Variants in MTERF4 observed in about 807,000 individuals in gnomAD.
The protein encoded by MTERF4 is mitochondrial transcription termination factor 4.
Under a neutral mutation model 22.5 loss-of-function variants are expected in MTERF4, and 17 were observed. The ratio of observed to expected loss-of-function variants is 0.75; its 90% CI spans 0.52 to 1.13. The LOEUF (loss-of-function observed/expected upper bound fraction) is 1.13, where lower values mean the gene tolerates loss of function less well. Among genes scored for constraint, MTERF4 ranks in the 50% most tolerant of loss-of-function variants. The pLI, the probability that MTERF4 is intolerant of heterozygous loss-of-function variation, is 0.00. For synonymous variants in MTERF4, 165 were observed against 175.3 expected (o/e 0.94, Z 0.47); for missense variants, 420 against 466.8 (o/e 0.90, Z 0.92).
chr2:241,082,294 C>T (rs1353454123), downstream of MTERF4: 2 of 1,613,102 alleles, frequency 1.2e-6, no homozygotes, highest in Admixed American at 1.7e-5. Flanking sequence ...AAAGGTGTCC[C>T]GCCCCTGCAC....
downstream of MTERF4, among the ~76,000 whole-genome samples, chr2:241,083,324 G>A (rs2063421054): frequency 6.6e-6 from 1 of 152,186 alleles, no homozygotes; most frequent in Non-Finnish European, 1.5e-5. Flanking sequence ...GGTGAGAGGT[G>A]AGGGACAGGG....
In MTERF4 at chr2:241,096,914, C is replaced by T; in HGVS notation, c.705+329G>A. The T allele has an allele frequency of 1.7e-6, 1 of 588,364 alleles. No homozygotes were observed. Among genetic ancestry groups the T allele is most frequent in the Non-Finnish European group, 3.0e-6 (1 of 334,180 alleles). The allele number at this position is 588,364 out of a possible 1,614,324, so 36.4% of individuals were successfully genotyped here. Reference sequence around the variant, plus strand: ...ATTTTAAAATTAGCTATTTCAGAGTCCCCACTTAGACTCTAAGAATAGGAC... The same window carrying T: ...ATTTTAAAATTAGCTATTTCAGAGTTCCCACTTAGACTCTAAGAATAGGAC... On this transcript the variant is annotated intron_variant, in intron 3 of 3. Transcript: ENST00000391980. This position sits in a 1 kb window ranked among gnomAD's most constrained non-coding sequence, Gnocchi z 5.1.
At chr2:241,042,775 A>G in the MTERF4 span, among the ~76,000 whole-genome samples, 4 of 152,378 alleles carry the variant, frequency 2.6e-5, no homozygotes, top group Non-Finnish European at 4.4e-5. Flanking sequence ...GGAAAGATCA[A>G]TGAACCTGAA....
Position 241,102,059 on chromosome 2 carries a change from A to C in MTERF4, c.21+194T>G, listed in dbSNP as rs546910349. 29 of 722,656 alleles carry C rather than the reference A, an allele frequency of 4.0e-5. No homozygotes were observed. The African/African-American group carries it at 4.7e-4, about 12-fold the overall frequency. 44.8% of individuals were successfully genotyped at this position (722,656 alleles called of 1,614,324 possible). On this transcript the variant is annotated intron_variant, in intron 1 of 3. Transcript: ENST00000391980. ...AGAGCGAGACTTTGTCTCAAAAAAAAAAAATGTCAACTCTATATCCCACAA... is the reference window on the plus strand; with the variant it reads ...AGAGCGAGACTTTGTCTCAAAAAAACAAAATGTCAACTCTATATCCCACAA...
chr2:241,090,150 T>C, downstream of MTERF4: 2 of 1,459,078 alleles, frequency 1.4e-6, no homozygotes, highest in Non-Finnish European at 1.8e-6. Flanking sequence ...ACAAACACAC[T>C]GTACGGATGT....
Position 241,097,339 on chromosome 2 carries a change from C to T in MTERF4, c.609G>A (p.Glu203=), listed in dbSNP as rs373404309. ...CTTGCTGTACCGTGAAAAGGCACTT[C>T]TCCTTGAGAAGCCTGACAGTGTCGT... ...DINDTVRLLK[E]KCLFTVQQVT... is the part of the protein sequence containing the mutation. Residue 203 remains glutamate (E), a synonymous_variant, in exon 3 of 4, where the codon GAG becomes GAA. Coordinates refer to ENST00000391980, the MANE Select transcript of MTERF4 (RefSeq NM_182501.4). The T allele has an allele frequency of 1.2e-6, 2 of 1,614,204 alleles. No individual in the cohort carries two copies. The highest frequency in any genetic ancestry group is 1.7e-6 in the Non-Finnish European group (2 of 1,180,030).
chr2:241,096,189 G>A lies in MTERF4; in HGVS notation c.955C>T (p.Leu319Phe). 1 of 1,614,136 alleles carries A rather than the reference G, an allele frequency of 6.2e-7. No individual in the cohort carries two copies. The highest frequency in any genetic ancestry group is 8.5e-7 in the Non-Finnish European group (1 of 1,180,042). The change falls in exon 4 of 4, where the codon CTC becomes TTC. Residue 319 changes from leucine (L) to phenylalanine (F), a missense_variant. By Grantham distance (22) the Leu-to-Phe change is conservative. Transcript: ENST00000391980. This position sits in a 1 kb window ranked among gnomAD's most constrained non-coding sequence, Gnocchi z 5.1. Reference protein sequence around the residue: ...SVEEFQVFKKLLAREEEESES... With the variant: ...SVEEFQVFKKFLAREEEESES... ...GACTCCTCCTCCTCCCGAGCCAGGA[G>A]CTTCTTAAAAACTTGAAACTCCTCA...
chr2:241,071,560 C>T (rs564406630), downstream of MTERF4: 61 of 1,573,988 alleles, frequency 3.9e-5, no homozygotes, highest in African/African-American at 3.2e-4. Flanking sequence ...GCCCCTTCCT[C>T]CTGCCTGCTC....
chr2:241,070,283 G>A (rs890704506), downstream of MTERF4: 9 of 1,409,146 alleles, frequency 6.4e-6, no homozygotes, highest in African/African-American at 1.1e-4. Context: ...TGGCCCTGCA[G>A]GGGCCTGGGA....
chr2:241,099,634 CCT>C lies in MTERF4; in HGVS notation c.280_281del (p.Arg94GlyfsTer16). 1 of 1,614,158 alleles carries C rather than the reference CCT, an allele frequency of 6.2e-7. No individual in the cohort carries two copies. The highest frequency in any genetic ancestry group is 8.5e-7 in the Non-Finnish European group (1 of 1,180,030). On this transcript the variant is annotated frameshift_variant, in exon 2 of 4. Transcript: ENST00000391980. LOFTEE classifies it high-confidence loss of function. ...CCATGTCCAGGAGGGAACTCATGAC[CCT>C]CTCTAGCTCCAAGGACCCTTGTACC... Reference protein sequence around the residue: ...PVVQGSLELERVMSSLLDMGF... With the variant: ...PVVQGSLELEXVMSSLLDMGF...
At chr2:241,089,188 C>G, downstream of MTERF4, 1 of 1,083,744 alleles carries the variant, frequency 9.2e-7, no homozygotes, top group Non-Finnish European at 1.3e-6. Flanking sequence ...TCATACTGAC[C>G]ATCATTTTTT....
At chr2:241,089,248 C>A, downstream of MTERF4, 1 of 1,510,802 alleles carries the variant, frequency 6.6e-7, no homozygotes, top group Non-Finnish European at 8.9e-7. Flanking sequence ...CCTAGGACAG[C>A]TTTGCTCTTC....
the MTERF4 span, among the ~76,000 whole-genome samples, chr2:241,047,212 A>T: frequency 1.3e-5 from 2 of 151,778 alleles, no homozygotes; most frequent in Non-Finnish European, 2.9e-5. Context: ...CAGTGGCTAT[A>T]TTAATATCGA....
At chr2:241,101,402 T>C (rs1233997443) in intron 1 of MTERF4, among the ~76,000 whole-genome samples, 6 of 152,220 alleles carry the variant, frequency 3.9e-5, no homozygotes, top group Admixed American at 3.9e-4. Context: ...CGGCTGTAAA[T>C]ACAGTCTGGC....
intron 2 of MTERF4, 91 bp from the exon 3 acceptor site, chr2:241,097,518 A>C: frequency 8.0e-7 from 1 of 1,253,204 alleles, no homozygotes; most frequent in South Asian, 1.5e-5. Flanking sequence ...TCCACATTTA[A>C]AAACAAACAA....
chr2:241,087,259 C>A, downstream of MTERF4: 1 of 686,890 alleles, frequency 1.5e-6, no homozygotes, highest in Non-Finnish European at 2.5e-6. Flanking sequence ...TAGGAGGTCA[C>A]GTTTCATTCA....
the MTERF4 span, chr2:241,051,418 A>T: frequency 3.7e-6 from 1 of 267,540 alleles, no homozygotes; most frequent in East Asian, 6.4e-5. This position sits in a 1 kb window ranked among gnomAD's most constrained non-coding sequence, Gnocchi z 4.7. Context: ...GCCCGTGTGC[A>T]GGAGGGAGGG....
the MTERF4 span, chr2:241,063,284 C>A: frequency 8.0e-6 from 4 of 499,878 alleles, no homozygotes; most frequent in South Asian, 8.3e-5. Flanking sequence ...GAAACGCAGG[C>A]TCCAGGGAGG....
In MTERF4 at chr2:241,073,443, C is replaced by T. The variant is rs2062844574; in HGVS notation, n.2719G>A. On this transcript the variant is annotated non_coding_transcript_exon_variant, in exon 5 of 5. Transcript: ENST00000464344. The surrounding 1 kb of genome is among the most constrained non-coding windows in gnomAD (Gnocchi z 6.6). ...CCTTAGAGGCTGCAGGCAGGAGGGACCACCCACGGTGAGGAATCAGGAGGC... is the reference window on the plus strand; with the variant it reads ...CCTTAGAGGCTGCAGGCAGGAGGGATCACCCACGGTGAGGAATCAGGAGGC... 2 of 1,183,498 alleles carry T rather than the reference C, an allele frequency of 1.7e-6. No homozygotes were observed. The highest frequency in any genetic ancestry group is 2.5e-6 in the Non-Finnish European group (2 of 812,204). 73.3% of individuals were successfully genotyped at this position (1,183,498 alleles called of 1,614,324 possible).
Sources: allele counts gnomAD v4.1 joint callset (sites outside exome capture counted in the v4.1 genomes callset), GRCh38; gene constraint gnomAD v4.1.1; non-coding constraint Gnocchi (gnomAD v3.1); transcripts MANE v1.5; gene names NCBI Gene and HGNC (gene_info 2026-07-23, HGNC 2026-07-21).